The following OAS3 variants were observed in gnomAD, a reference collection of about 807,000 sequenced individuals.
OAS3 encodes the protein 2'-5'-oligoadenylate synthase 3.
A neutral mutation model predicts 113.0 loss-of-function variants in OAS3; 107 were observed. The observed-to-expected ratio is 0.95, with a 90% CI of 0.81 to 1.11. The LOEUF (loss-of-function observed/expected upper bound fraction) is 1.11. Among genes scored for constraint, OAS3 ranks in the 50% most tolerant of loss-of-function variants. The pLI is 0.00. For missense variants in OAS3, 1,258 were observed against 1,389.1 expected (o/e 0.91, Z 1.50); for synonymous variants, 552 against 573.6 (o/e 0.96, Z 0.54).
In OAS3 at chr12:112,970,867, T is replaced by G. The variant is rs1035832441; in HGVS notation, c.*894T>G. The G allele has an allele frequency of 2.0e-5, 3 of 152,278 alleles. No individual in the cohort carries two copies. The highest frequency in any genetic ancestry group is 4.4e-5 in the Non-Finnish European group (3 of 68,064). The allele number at this position is 152,278 out of a possible 1,614,324, so 9.4% of individuals were successfully genotyped here. On this transcript the variant is annotated 3_prime_UTR_variant, in exon 16 of 16. Coordinates refer to ENST00000228928, the MANE Select transcript of OAS3 (RefSeq NM_006187.4). Reference sequence around the variant, plus strand: ...TCCTCCCCTAGTTTACACATCTTGATGCTGTGGCTCAGTTTGCCTTCCTGA... The same window carrying G: ...TCCTCCCCTAGTTTACACATCTTGAGGCTGTGGCTCAGTTTGCCTTCCTGA...
chr12:112,961,118 C>T lies in OAS3; in HGVS notation c.1705C>T (p.Leu569Phe), dbSNP rs1446573028. 1.2e-6 allele frequency: 2 copies of T among 1,613,392 alleles called. No individual in the cohort carries two copies. The highest frequency in any genetic ancestry group is 2.2e-5 in the South Asian group (2 of 91,026). Residue 569 changes from leucine (L) to phenylalanine (F), a missense_variant, in exon 8 of 16, where the codon CTC becomes TTC. By Grantham distance (22) the Leu-to-Phe change is conservative. Coordinates refer to ENST00000228928, the MANE Select transcript of OAS3 (RefSeq NM_006187.4). ...TKPNPQVYSR[L>F]LTSGCQEGEH... ...ACCAAATCCCCAGGTCTACTCGAGG[C>T]TCCTCACCAGTGGCTGCCAGGAGGG...
At chr12:112,946,325 G>T (rs1301256530) in intron 3 of OAS3, among the ~76,000 whole-genome samples, 1 of 152,104 alleles carries the variant, frequency 6.6e-6, no homozygotes, top group African/African-American at 2.4e-5. Flanking sequence ...GCTGGAGTGA[G>T]GAGGGAAGGA....
chr12:112,950,547 T>A, intron 6 of OAS3, 146 bp from the exon 7 acceptor site: 3 of 869,530 alleles, frequency 3.5e-6, no homozygotes, highest in East Asian at 4.9e-5. Flanking sequence ...ACAGGACCCA[T>A]GCAGTCGACC....
At chr12:112,953,496 T>C (rs2043809170) in intron 7 of OAS3, among the ~76,000 whole-genome samples, 2 of 152,256 alleles carry the variant, frequency 1.3e-5, no homozygotes, top group Non-Finnish European at 2.9e-5. Flanking sequence ...CCTTTGGGTA[T>C]ATACCCGGTA....
chr12:112,968,368 G>A (rs1172832958), intron 14 of OAS3, among the ~76,000 whole-genome samples, 194 bp downstream of exon 14: 4 of 152,176 alleles, frequency 2.6e-5, no homozygotes, highest in Non-Finnish European at 4.4e-5. Context: ...CAGATAAAAC[G>A]CAAGACCCCA....
intron 11 of OAS3, 71 bp downstream of exon 11, chr12:112,964,479 C>A: frequency 6.7e-7 from 1 of 1,497,796 alleles, no homozygotes; most frequent in Non-Finnish European, 9.1e-7. Context: ...CAGGGCCAGG[C>A]TTGACCCACT....
intron 7 of OAS3, among the ~76,000 whole-genome samples, chr12:112,959,610 C>G (rs2136355986): frequency 6.6e-6 from 1 of 152,206 alleles, no homozygotes; most frequent in African/African-American, 2.4e-5. Flanking sequence ...TGCCTCTCCC[C>G]TATTTTGTCT....
At chr12:112,958,840 C>T (rs1190356631) in intron 7 of OAS3, among the ~76,000 whole-genome samples, 1 of 152,244 alleles carries the variant, frequency 6.6e-6, no homozygotes, top group Non-Finnish European at 1.5e-5. Flanking sequence ...TCTCAAACTC[C>T]ATGCTGGGAG....
At chr12:112,939,255 T>C (rs2043657872) in intron 1 of OAS3, among the ~76,000 whole-genome samples, 1 of 151,372 alleles carries the variant, frequency 6.6e-6, no homozygotes, top group Non-Finnish European at 1.5e-5. Context: ...GTACCTGTTT[T>C]ATGGATAGGG....
chr12:112,940,308 G>A lies in OAS3; in HGVS notation c.178-1262G>A, dbSNP rs1284933628. ...AGGACTGGCATAATCATCGGGATAAGTAGGGGGTCCCAGTTTGAGGCAAGC... is the reference window on the plus strand; with the variant it reads ...AGGACTGGCATAATCATCGGGATAAATAGGGGGTCCCAGTTTGAGGCAAGC... On this transcript the variant is annotated intron_variant, in intron 1 of 15. Coordinates refer to ENST00000228928, the MANE Select transcript of OAS3 (RefSeq NM_006187.4). 2.0e-5 allele frequency among the ~76,000 whole-genome samples: 3 copies of A among 152,226 alleles called. No individual in the cohort carries two copies. In the East Asian group the frequency reaches 5.8e-4, roughly 29 times the overall value.
intron 1 of OAS3, among the ~76,000 whole-genome samples, chr12:112,940,047 G>A (rs1267094952): frequency 6.6e-6 from 1 of 152,230 alleles, no homozygotes; most frequent in Non-Finnish European, 1.5e-5. Flanking sequence ...AAAGGGGTGG[G>A]AGGGGGTTCT....
Position 112,969,632 on chromosome 12 carries a change from C to G in OAS3, c.3129C>G (p.Asp1043Glu). 6.2e-7 allele frequency: 1 copy of G among 1,603,028 alleles called. No homozygotes were observed. Residue 1043 changes from aspartate to glutamate, a missense_variant, in exon 15 of 16, where the codon GAC becomes GAG. Transcript: ENST00000228928. ...KPRPIILDPADPTGNLGHNAR... is the reference protein window; with the variant it reads ...KPRPIILDPAEPTGNLGHNAR... ...GGCCTATCATCCTGGATCCGGCTGA[C>G]CCGACAGGCAACCTGGGCCACAATG...
intron 7 of OAS3, among the ~76,000 whole-genome samples, chr12:112,959,667 T>C (rs2043865106): frequency 6.6e-6 from 1 of 152,140 alleles, no homozygotes; most frequent in Non-Finnish European, 1.5e-5. Flanking sequence ...TATCTCATCC[T>C]CCATGGCTTT....
Position 112,970,080 on chromosome 12 carries a change from G to GTGTGTGAGCACATGTGTGCA in OAS3, c.*114_*133dup, listed in dbSNP as rs1184353982. On this transcript the variant is annotated 3_prime_UTR_variant, in exon 16 of 16. Coordinates refer to ENST00000228928, the MANE Select transcript of OAS3 (RefSeq NM_006187.4). ...CAGATGAGAGAGATTGTGTACATGTGTGTGTGAGCACATGTGTGCATGTGT... is the reference window on the plus strand; with the variant it reads ...CAGATGAGAGAGATTGTGTACATGTGTGTGTGAGCACATGTGTGCATGTGTGAGCACATGTGTGCATGTGT... 4.6e-6 allele frequency: 6 copies of GTGTGTGAGCACATGTGTGCA among 1,309,982 alleles called. No individual in the cohort carries two copies. The highest frequency in any genetic ancestry group is 2.9e-5 in the African/African-American group (2 of 68,612). 81.1% of individuals were successfully genotyped at this position (1,309,982 alleles called of 1,614,324 possible). A position where few individuals can be genotyped will look rare whatever the true frequency, so the allele number is the denominator to read the frequency against.
intron 2 of OAS3, 134 bp downstream of exon 2, chr12:112,941,986 C>A: frequency 9.2e-7 from 1 of 1,087,354 alleles, no homozygotes; most frequent in Non-Finnish European, 1.4e-6. Flanking sequence ...CAGCCTCAGT[C>A]TGGGGACTAA....
Position 112,938,481 on chromosome 12 carries a change from C to G in OAS3, c.-50C>G. On this transcript the variant is annotated 5_prime_UTR_variant, in exon 1 of 16. Coordinates refer to ENST00000228928, the MANE Select transcript of OAS3 (RefSeq NM_006187.4). Reference sequence around the variant, plus strand: ...GGGCGGGAAAACGAAACCAGAAATCCGAAGGCCGCGCCAGAGCCCTGCTTC... The same window carrying G: ...GGGCGGGAAAACGAAACCAGAAATCGGAAGGCCGCGCCAGAGCCCTGCTTC... 1 of 1,484,076 alleles carries G rather than the reference C, an allele frequency of 6.7e-7. No individual in the cohort carries two copies. The highest frequency in any genetic ancestry group is 9.0e-7 in the Non-Finnish European group (1 of 1,116,866). 91.9% of individuals were successfully genotyped at this position (1,484,076 alleles called of 1,614,324 possible).
At chr12:112,965,439 A>G (rs953545379) in intron 11 of OAS3, among the ~76,000 whole-genome samples, 1 of 152,236 alleles carries the variant, frequency 6.6e-6, no homozygotes, top group African/African-American at 2.4e-5. Context: ...TTCCAGGTGC[A>G]GACAGGCTTG....
rs181608574 is a variant in OAS3, at chr12:112,961,386, T to A, written c.1833+140T>A. 47 of 729,812 alleles carry A rather than the reference T, an allele frequency of 6.4e-5. No individual in the cohort carries two copies. The Admixed American group carries it at 1.2e-3, about 18-fold the overall frequency. The allele number at this position is 729,812 out of a possible 1,614,324, so 45.2% of individuals were successfully genotyped here. On this transcript the variant is annotated intron_variant, in intron 8 of 15. Coordinates refer to ENST00000228928, the MANE Select transcript of OAS3 (RefSeq NM_006187.4). ...AGAGCAGAAGGACCGGCCTCCTCCA[T>A]CCTCCATTTCCTGCCCAGATCTGGA...
chr12:112,944,393 C>A, intron 2 of OAS3, 83 bp from the exon 3 acceptor site: 1 of 1,484,036 alleles, frequency 6.7e-7, no homozygotes, highest in Non-Finnish European at 9.4e-7. Flanking sequence ...CTCTCAGCGC[C>A]CCAGGCTGAG....
Sources: allele counts gnomAD v4.1 joint callset (sites outside exome capture counted in the v4.1 genomes callset), GRCh38; gene constraint gnomAD v4.1.1; transcripts MANE v1.5; gene names NCBI Gene and HGNC (gene_info 2026-07-23, HGNC 2026-07-21).